FER: variants seen among roughly 807,000 people sequenced by gnomAD.
FER encodes the protein tyrosine-protein kinase Fer.
FER carries 63 observed loss-of-function variants against 111.0 expected under a neutral mutation model. That is an observed-to-expected ratio of 0.57 (90% CI 0.46 to 0.70). FER has a LOEUF of 0.70. Ranked by LOEUF, FER falls within the 30% of genes least tolerant of loss-of-function variation. FER has a pLI of 0.00. For synonymous variants in FER, 327 were observed against 313.9 expected (o/e 1.04, Z -0.44); for missense variants, 914 against 954.0 (o/e 0.96, Z 0.55).
At chr5:109,187,330 A>G in intron 19 of FER, 103 bp from the exon 20 acceptor site, 1 of 1,209,670 alleles carries the variant, frequency 8.3e-7, no homozygotes, top group Non-Finnish European at 1.2e-6. Flanking sequence ...CCATATAACT[A>G]CAACATAAGG....
chr5:108,835,913 A>T (rs1035530241), intron 5 of FER, 106 bp downstream of exon 5: 1 of 594,946 alleles, frequency 1.7e-6, no homozygotes, highest in Non-Finnish European at 2.8e-6. Context: ...CATTTCACAT[A>T]TAAAAAACTC....
rs1323041638 is a variant in FER, at chr5:108,827,263, A to G, written c.208-5507A>G. Reference sequence around the variant, plus strand: ...AAACAGGAGAGGGAGAGAGAGTGCAAGAGTGAGAGCCTGCCAGCCTTCCTC... The same window carrying G: ...AAACAGGAGAGGGAGAGAGAGTGCAGGAGTGAGAGCCTGCCAGCCTTCCTC... On this transcript the variant is annotated intron_variant, in intron 3 of 19. Transcript: ENST00000281092. Among the ~76,000 whole-genome samples the G allele has an allele frequency of 2.0e-5, 3 of 152,296 alleles. No individual in the cohort carries two copies. The East Asian group carries it at 5.8e-4, about 29-fold the overall frequency.
chr5:109,121,107 T>G (rs1367651668), intron 17 of FER, among the ~76,000 whole-genome samples: 1 of 152,084 alleles, frequency 6.6e-6, no homozygotes, highest in Non-Finnish European at 1.5e-5. Context: ...GTCTGATTGC[T>G]CTAGCTAGGA....
rs544829814 is a variant in FER, at chr5:109,051,562, T to C, written c.1924+4364T>C. The C allele has an allele frequency of 6.0e-5, 97 of 1,610,592 alleles. No homozygotes were observed. The African/African-American group carries it at 1.1e-3, about 19-fold the overall frequency. On this transcript the variant is annotated intron_variant, in intron 16 of 19. Transcript: ENST00000281092. ...TTGCTCACTTGCTTGCTTGTCGTAA[T>C]TGCGGCAAGAAGAATTGTTTCTGTC...
At chr5:109,153,772 G>C (rs918203102) in intron 17 of FER, among the ~76,000 whole-genome samples, 3 of 152,004 alleles carry the variant, frequency 2.0e-5, no homozygotes, top group African/African-American at 7.2e-5. Flanking sequence ...ATAAGTGGCA[G>C]ACTCTGAATT....
intron 17 of FER, among the ~76,000 whole-genome samples, chr5:109,176,057 GT>G (rs1382669082): frequency 6.6e-6 from 1 of 152,140 alleles, no homozygotes; most frequent in Non-Finnish European, 1.5e-5. Context: ...TACACTGTTG[GT>G]GAGAATGTAA....
chr5:108,781,919 G>GTT lies in FER; in HGVS notation c.-60+13692_-60+13693dup, dbSNP rs147939937. 1.0e-4 allele frequency among the ~76,000 whole-genome samples: 15 copies of GTT among 147,060 alleles called. No individual in the cohort carries two copies. In the South Asian group the frequency reaches 1.1e-3, roughly 11 times the overall value. On this transcript the variant is annotated intron_variant, in intron 2 of 19. Coordinates refer to ENST00000281092, the MANE Select transcript of FER (RefSeq NM_005246.4). ...CCCTCCCTCTGTCAGAAGTAATAGG[G>GTT]TTTTTTTTTTTTCCCCCACCCTGTC...
chr5:109,015,768 C>A (rs950742686), intron 13 of FER, among the ~76,000 whole-genome samples: 1 of 152,002 alleles, frequency 6.6e-6, no homozygotes, highest in African/African-American at 2.4e-5. Flanking sequence ...GTAAATTAAG[C>A]CTTTTTTCAA....
chr5:109,123,521 C>T (rs751363791), intron 17 of FER, among the ~76,000 whole-genome samples: 3 of 151,580 alleles, frequency 2.0e-5, no homozygotes, highest in Non-Finnish European at 2.9e-5. Flanking sequence ...TAATTTCTTG[C>T]TTTTTATTTT....
At chr5:108,851,765 C>T (rs1039026623) in intron 5 of FER, among the ~76,000 whole-genome samples, 14 of 151,960 alleles carry the variant, frequency 9.2e-5, no homozygotes, top group Admixed American at 2.6e-4. Flanking sequence ...TCAGATATAG[C>T]CTACTTAATT....
intron 13 of FER, among the ~76,000 whole-genome samples, chr5:109,012,670 G>T (rs1251282056): frequency 6.6e-6 from 1 of 152,204 alleles, no homozygotes; most frequent in Non-Finnish European, 1.5e-5. Flanking sequence ...TTTGTTCAAA[G>T]AAATACTTTG....
chr5:108,803,821 C>G (rs568041090), intron 3 of FER, among the ~76,000 whole-genome samples: 16 of 152,088 alleles, frequency 1.1e-4, no homozygotes, highest in African/African-American at 3.9e-4. Context: ...ATTTGGGCGA[C>G]TTTTTGGTTG....
At chr5:108,813,529 C>T (rs189847778) in intron 3 of FER, among the ~76,000 whole-genome samples, 2 of 152,182 alleles carry the variant, frequency 1.3e-5, no homozygotes. Context: ...ATGGATTTGG[C>T]TGTTTAAAGT....
At chr5:108,933,703 C>T (rs1311770748) in intron 10 of FER, among the ~76,000 whole-genome samples, 1 of 152,114 alleles carries the variant, frequency 6.6e-6, no homozygotes, top group African/African-American at 2.4e-5. Flanking sequence ...GCAGTATGAA[C>T]ATTTTTACGA....
intron 16 of FER, among the ~76,000 whole-genome samples, chr5:109,080,638 C>A (rs1032759053): frequency 4.6e-5 from 7 of 151,940 alleles, no homozygotes; most frequent in Admixed American, 6.6e-5. Flanking sequence ...AAAGAAAGTT[C>A]TTGTGAGTTC....
intron 10 of FER, among the ~76,000 whole-genome samples, chr5:108,941,018 G>A (rs1425425891): frequency 6.6e-5 from 10 of 152,118 alleles, no homozygotes; most frequent in Non-Finnish European, 1.5e-5. Context: ...GGTACATAAA[G>A]TAGTGGGTGA....
intron 5 of FER, among the ~76,000 whole-genome samples, chr5:108,862,029 G>A (rs1443280164): frequency 6.6e-6 from 1 of 152,172 alleles, no homozygotes. Flanking sequence ...ATAACCAAAT[G>A]TAGAAGTGTA....
rs1426736459 is a variant in FER, at chr5:108,883,432, G to A, written c.960G>A (p.Gln320=). 2 of 1,608,976 alleles carry A rather than the reference G, an allele frequency of 1.2e-6. No individual in the cohort carries two copies. Among genetic ancestry groups the A allele is most frequent in the Admixed American group, 1.7e-5 (1 of 59,708 alleles). The change falls in exon 9 of 20, where the codon CAG becomes CAA. Residue 320 remains glutamine, a synonymous_variant. Transcript: ENST00000281092. ...TAGCGGAAGAACTTATGCAAACACA[G>A]CAGATGCTTTTAAACAAGGAGGAGG... ...KTLAEELMQT[Q]QMLLNKEEAV...
intron 17 of FER, among the ~76,000 whole-genome samples, chr5:109,146,131 T>G (rs1754078018): frequency 6.8e-6 from 1 of 147,126 alleles, no homozygotes; most frequent in African/African-American, 2.5e-5. Flanking sequence ...ATTGTCTGAA[T>G]TTAAACAACA....
Sources: allele counts gnomAD v4.1 joint callset (sites outside exome capture counted in the v4.1 genomes callset), GRCh38; gene constraint gnomAD v4.1.1; transcripts MANE v1.5; gene names NCBI Gene and HGNC (gene_info 2026-07-23, HGNC 2026-07-21).